AIRIM: variants seen among roughly 807,000 people sequenced by gnomAD.
The protein encoded by AIRIM is AFG2 interacting ribosome maturation factor, also known as AFG2-interacting ribosome maturation factor.
At chr1:37,688,051 T>C in the AIRIM span, among the ~76,000 whole-genome samples, 3 of 152,092 alleles carry the variant, frequency 2.0e-5, no homozygotes, top group Admixed American at 1.3e-4. Context: ...CCTCTGCTCC[T>C]GTCATACTTT....
the AIRIM span, chr1:37,686,212 A>G: frequency 6.8e-7 from 1 of 1,470,140 alleles, no homozygotes; most frequent in Non-Finnish European, 9.1e-7. Context: ...TCTTGTGAAA[A>G]CTGAAATTTG....
chr1:37,684,334 T>C, the AIRIM span: 2 of 152,196 alleles, frequency 1.3e-5, no homozygotes, highest in African/African-American at 4.8e-5. Context: ...CTGCTACCAA[T>C]GCATTTAAAA....
the AIRIM span, chr1:37,683,801 T>G: frequency 5.7e-6 from 1 of 176,828 alleles, no homozygotes; most frequent in African/African-American, 2.4e-5. Context: ...GTAGGAAACA[T>G]GAACAAAGGC....
the AIRIM span, among the ~76,000 whole-genome samples, chr1:37,688,742 CCT>C: frequency 6.6e-6 from 1 of 152,058 alleles, no homozygotes; most frequent in Non-Finnish European, 1.5e-5. Context: ...CCCTGTCTCC[CCT>C]CTGTCCTCAA....
the AIRIM span, chr1:37,689,711 A>C: frequency 6.2e-7 from 1 of 1,614,034 alleles, no homozygotes; most frequent in Non-Finnish European, 8.5e-7. Flanking sequence ...CACATCCTCA[A>C]ACCGCAGGTT....
chr1:37,686,576 T>C, the AIRIM span: 3 of 938,212 alleles, frequency 3.2e-6, no homozygotes, highest in Admixed American at 2.5e-5. Context: ...GCCCTGTACA[T>C]TGTAGGACGT....
At chr1:37,683,426 C>T in the AIRIM span, 2 of 1,613,794 alleles carry the variant, frequency 1.2e-6, no homozygotes, top group South Asian at 2.2e-5. Context: ...AAGATACTTT[C>T]TCTTCAGGTA....
the AIRIM span, chr1:37,689,686 G>A: frequency 6.2e-7 from 1 of 1,614,088 alleles, no homozygotes; most frequent in South Asian, 1.1e-5. Context: ...AATCTGGGAA[G>A]GCCCGAAGCG....
At chr1:37,683,097 G>C in the AIRIM span, 6 of 1,605,254 alleles carry the variant, frequency 3.7e-6, no homozygotes, top group East Asian at 1.1e-4. Flanking sequence ...TGTGGTACCC[G>C]TGGTCTCCAG....
the AIRIM span, chr1:37,682,191 G>A: frequency 6.6e-6 from 1 of 151,944 alleles, no homozygotes; most frequent in Non-Finnish European, 1.5e-5. Context: ...TCACTTATAA[G>A]AAAAAAAGTT....
chr1:37,685,542 C>A, the AIRIM span, among the ~76,000 whole-genome samples: 4 of 152,014 alleles, frequency 2.6e-5, no homozygotes, highest in Non-Finnish European at 4.4e-5. Flanking sequence ...CACATACCAC[C>A]ATGCCTGGCT....
the AIRIM span, among the ~76,000 whole-genome samples, chr1:37,685,952 G>A: frequency 1.3e-5 from 2 of 151,970 alleles, no homozygotes; most frequent in African/African-American, 4.8e-5. Flanking sequence ...AGCCTGCTCT[G>A]ACCACCCTAT....
chr1:37,690,298 T>A, the AIRIM span: 1 of 1,291,572 alleles, frequency 7.7e-7, no homozygotes, highest in Non-Finnish European at 1.0e-6. Context: ...CTCAGCTTTC[T>A]GAAGGAGACC....
chr1:37,682,462 G>A, the AIRIM span: 2 of 152,704 alleles, frequency 1.3e-5, no homozygotes, highest in South Asian at 4.1e-4. Flanking sequence ...GTCATTTTAG[G>A]AGTCTCACCA....
the AIRIM span, chr1:37,690,527 C>A: frequency 4.3e-6 from 5 of 1,171,346 alleles, no homozygotes; most frequent in African/African-American, 6.4e-5. Context: ...TCTCTCTGCG[C>A]ATGCTCACAC....
the AIRIM span, among the ~76,000 whole-genome samples, chr1:37,685,442 C>T: frequency 1.3e-5 from 2 of 151,330 alleles, no homozygotes; most frequent in East Asian, 2.0e-4. Context: ...TGCAGTGGCA[C>T]GATCTCAGCT....
the AIRIM span, chr1:37,690,015 G>GTTTTT: frequency 1.6e-6 from 2 of 1,244,176 alleles, no homozygotes; most frequent in Non-Finnish European, 2.1e-6. Context: ...CAGAAGCAGG[G>GTTTTT]TTTTTTTTTT....
the AIRIM span, among the ~76,000 whole-genome samples, chr1:37,690,807 T>A: frequency 4.6e-5 from 7 of 152,206 alleles, no homozygotes; most frequent in Non-Finnish European, 8.8e-5. Context: ...GGTTGTGCCT[T>A]AATGACACTT....
At chr1:37,684,950 G>A in the AIRIM span, among the ~76,000 whole-genome samples, 1 of 151,812 alleles carries the variant, frequency 6.6e-6, no homozygotes, top group Non-Finnish European at 1.5e-5. Flanking sequence ...TCAAGGCCAG[G>A]AGTTCAAGAC....
Sources: gnomAD v4.1 joint callset for allele counts (sites outside exome capture counted in the v4.1 genomes callset) on GRCh38, gnomAD v4.1.1 for gene constraint, MANE v1.5 for transcripts, NCBI Gene and HGNC (gene_info 2026-07-23, HGNC 2026-07-21) for gene names.